SMARCC2: variants seen among roughly 807,000 people sequenced by gnomAD.
The protein encoded by SMARCC2 is SWI/SNF related BAF chromatin remodeling complex subunit C2.
Under a neutral mutation model 151.3 loss-of-function variants are expected in SMARCC2, and 15 were observed. The ratio of observed to expected loss-of-function variants is 0.10; its 90% CI spans 0.07 to 0.15. The LOEUF (loss-of-function observed/expected upper bound fraction) is 0.15. Among genes scored for constraint, SMARCC2 ranks in the 10% least tolerant of loss-of-function variants. SMARCC2 has a pLI of 1.00. For synonymous variants in SMARCC2, 590 were observed against 609.5 expected, an observed-to-expected ratio of 0.97 and a Z score of 0.47; for missense variants, 1,031 against 1,599.7, an observed-to-expected ratio of 0.64 and a Z score of 6.06.
At chr12:56,165,864 CGTGCAAAT>C (rs1872688610) in intron 26 of SMARCC2, among the ~76,000 whole-genome samples, 165 bp from the exon 27 acceptor site, 1 of 152,214 alleles carries the variant, frequency 6.6e-6, no homozygotes, top group African/African-American at 2.4e-5. Context: ...CACCCGACTT[CGTGCAAAT>C]TCCCATGACC....
intron 20 of SMARCC2, 176 bp downstream of exon 20, chr12:56,172,252 T>C (rs1401089746): frequency 3.4e-6 from 2 of 582,042 alleles, no homozygotes; most frequent in Non-Finnish European, 5.8e-6. Context: ...GGCTAATTTT[T>C]AAAATTTTTC....
In SMARCC2 at chr12:56,169,879, C is replaced by G; in HGVS notation, c.2445G>C (p.Glu815Asp). 1 of 1,614,060 alleles carries G rather than the reference C, an allele frequency of 6.2e-7. No individual in the cohort carries two copies. Among genetic ancestry groups the G allele is most frequent in the South Asian group, 1.1e-5 (1 of 91,074 alleles). The part of the protein sequence containing the change: ...EPREGGGAIE[E>D]EAKEKTSEAP... ...CCTCGCTGGTTTTCTCTTTTGCTTC[C>G]TCCTCTATAGCACCCCCTCCTTCTC... The change falls in exon 24 of 29, where the codon GAG (glutamate) becomes GAC (aspartate). Residue 815 changes from glutamate (E) to aspartate (D), a missense_variant. Physicochemically the swap from Glu to Asp is conservative, Grantham distance 45 (BLOSUM62 2). Coordinates refer to ENST00000550164, the MANE Select transcript of SMARCC2 (RefSeq NM_001330288.2).
In SMARCC2 at chr12:56,172,811, C is replaced by G. The variant is rs540063946; in HGVS notation, c.1744-107G>C. The G allele has an allele frequency of 1.9e-5, 29 of 1,560,078 alleles. No homozygotes were observed. The South Asian group carries it at 3.1e-4, about 17-fold the overall frequency. ...GGAGCTTCTTTCCCAAAGCCAGGGA[C>G]ACCCCTGGGTGGGACTTCCTCCCTT... is the stretch of plus-strand genomic sequence containing the variant. On this transcript the variant is annotated intron_variant, in intron 18 of 28. Transcript: ENST00000550164.
In SMARCC2 at chr12:56,171,831, G is replaced by C; in HGVS notation, c.2033C>G (p.Pro678Arg). 1 of 1,614,088 alleles carries C rather than the reference G, an allele frequency of 6.2e-7. No individual in the cohort carries two copies. The highest frequency in any genetic ancestry group is 8.5e-7 in the Non-Finnish European group (1 of 1,179,928). Reference protein sequence around the residue: ...LHFLRLPIEDPYLEDSEASLG... With the variant: ...LHFLRLPIEDRYLEDSEASLG... ...GGAGGCCTCTGAGTCCTCCAGGTATGGGTCTTCAATGGGAAGACGAAGAAA... is the reference window on the plus strand; with the variant it reads ...GGAGGCCTCTGAGTCCTCCAGGTATCGGTCTTCAATGGGAAGACGAAGAAA... Residue 678 changes from proline to arginine, a missense_variant, in exon 21 of 29, where the codon CCA becomes CGA. This residue lies in a region of SMARCC2 where 51 missense variants were observed against 137.9 expected (regional missense o/e 0.37). Coordinates refer to ENST00000550164, the MANE Select transcript of SMARCC2 (RefSeq NM_001330288.2). The surrounding 1 kb of genome is among the most constrained non-coding windows in gnomAD (Gnocchi z 4.2).
At chr12:56,172,747 C>T (rs763162517) in intron 18 of SMARCC2, 43 bp from the exon 19 acceptor site, 39 of 1,610,778 alleles carry the variant, frequency 2.4e-5, no homozygotes, top group African/African-American at 9.4e-5. Flanking sequence ...AAGTGACCAC[C>T]GGGAGCCAGG....
Position 56,181,005 on chromosome 12 carries a change from A to G in SMARCC2, c.1053T>C (p.Asn351=). 1 of 1,613,648 alleles carries G rather than the reference A, an allele frequency of 6.2e-7. No homozygotes were observed. Among genetic ancestry groups the G allele is most frequent in the Non-Finnish European group, 8.5e-7 (1 of 1,179,770 alleles). The part of the protein sequence containing the change: ...KDMDEPSPVP[N]VEEVTLPKTV... ...TTTTGGGAAGTGTCACCTCTTCTACATTGGGGACTGGTGAGGGCTCGTCCA... is the reference window on the plus strand; with the variant it reads ...TTTTGGGAAGTGTCACCTCTTCTACGTTGGGGACTGGTGAGGGCTCGTCCA... The change falls in exon 11 of 29, where the codon AAT becomes AAC. Residue 351 remains asparagine, a synonymous_variant. Coordinates refer to ENST00000550164, the MANE Select transcript of SMARCC2 (RefSeq NM_001330288.2).
chr12:56,180,886 G>T, intron 11 of SMARCC2, 91 bp downstream of exon 11: 2 of 1,322,780 alleles, frequency 1.5e-6, no homozygotes, highest in Non-Finnish European at 2.1e-6. Context: ...ACTGGGAGGT[G>T]GACCTGAGAA....
At chr12:56,186,393 C>A (rs1877260530) in intron 2 of SMARCC2, among the ~76,000 whole-genome samples, 153 bp from the exon 3 acceptor site, 1 of 150,364 alleles carries the variant, frequency 6.7e-6, no homozygotes, top group Non-Finnish European at 1.5e-5. Context: ...TCTTGTTGCC[C>A]AGGCTGGAGT....
chr12:56,165,246 C>T (rs1474872295), intron 27 of SMARCC2, 72 bp downstream of exon 27: 2 of 1,424,130 alleles, frequency 1.4e-6, no homozygotes, highest in African/African-American at 2.9e-5. Context: ...CATCTTGTAT[C>T]CCCTTTGAGG....
At chr12:56,173,556 T>TC in intron 17 of SMARCC2, 140 bp downstream of exon 17, 1 of 735,460 alleles carries the variant, frequency 1.4e-6, no homozygotes. Flanking sequence ...TGGGGCTGAT[T>TC]CCCGTGACCC....
At chr12:56,163,850 G>C in intron 28 of SMARCC2, 85 bp from the exon 29 acceptor site, 1 of 867,504 alleles carries the variant, frequency 1.2e-6, no homozygotes, top group Non-Finnish European at 1.7e-6. Context: ...ACAGAACCGG[G>C]CATGGCATGC....
At chr12:56,186,118 A>C (rs1565924286) in intron 3 of SMARCC2, 37 bp downstream of exon 3, 1 of 1,388,262 alleles carries the variant, frequency 7.2e-7, no homozygotes, top group South Asian at 1.2e-5. Flanking sequence ...GATTTCCTCT[A>C]AACTAAATAT....
chr12:56,168,957 G>A (rs558397938), intron 25 of SMARCC2, among the ~76,000 whole-genome samples: 1 of 150,488 alleles, frequency 6.6e-6, no homozygotes, highest in Non-Finnish European at 1.5e-5. Flanking sequence ...TCCAGCCTGG[G>A]CAACAGAGTG....
At position 56,176,891 on chromosome 12, in the gene SMARCC2, G is replaced by A. The variant is rs1247737305; in HGVS notation, c.1382+1131C>T. The stretch of plus-strand genomic sequence containing the variant: ...GGCTGGAGTGCAATGGCGTAATCTC[G>A]GCTCACTGCAACCTCCGCCTCCCGG... On this transcript the variant is annotated intron_variant, in intron 15 of 28. Transcript: ENST00000550164. Among the ~76,000 whole-genome samples the A allele has an allele frequency of 2.6e-4, 40 of 151,566 alleles. 1 individual carries two copies. Among genetic ancestry groups the A allele is most frequent in the Admixed American group, 2.6e-4 (4 of 15,202 alleles).
intron 15 of SMARCC2, among the ~76,000 whole-genome samples, chr12:56,176,980 C>A (rs548104600): frequency 6.6e-6 from 1 of 152,302 alleles, no homozygotes; most frequent in Admixed American, 6.5e-5. Context: ...TGCCACCACG[C>A]CCAGCTAGTT....
At chr12:56,168,353 G>A (rs905946050) in intron 25 of SMARCC2, among the ~76,000 whole-genome samples, 159 bp from the exon 26 acceptor site, 2 of 151,960 alleles carry the variant, frequency 1.3e-5, no homozygotes, top group East Asian at 1.9e-4. Flanking sequence ...GATTATAGGC[G>A]TGAGCCACCG....
chr12:56,184,953 T>C lies in SMARCC2; in HGVS notation c.400-17A>G, dbSNP rs374918436. On this transcript the variant is annotated splice_polypyrimidine_tract_variant and intron_variant, in intron 4 of 28. Coordinates refer to ENST00000550164, the MANE Select transcript of SMARCC2 (RefSeq NM_001330288.2). ...GCAATTATTCTGTGGAGAGAAGAAA[T>C]AGAATGAGATTATAGGAAAGGGGTG... is the stretch of plus-strand genomic sequence containing the variant. 4.1e-5 allele frequency: 65 copies of C among 1,604,462 alleles called. No individual in the cohort carries two copies. The Middle Eastern group carries it at 6.6e-4, about 16-fold the overall frequency.
intron 18 of SMARCC2, 109 bp downstream of exon 18, chr12:56,172,828 T>C: frequency 6.4e-7 from 1 of 1,563,296 alleles, no homozygotes; most frequent in Non-Finnish European, 8.7e-7. Flanking sequence ...GGGTGGGACT[T>C]CCTCCCTTAC....
Position 56,173,142 on chromosome 12 carries a change from C to T in SMARCC2, c.1651-113G>A, listed in dbSNP as rs988221163. 90 of 794,212 alleles carry T rather than the reference C, an allele frequency of 1.1e-4. No homozygotes were observed. The Middle Eastern group carries it at 2.8e-3, about 24-fold the overall frequency. The allele number at this position is 794,212 out of a possible 1,614,324, so 49.2% of individuals were successfully genotyped here. A position where few individuals can be genotyped will look rare whatever the true frequency, so the allele number is the denominator to read the frequency against. ...CCCACAAGCTCTGGGGGCACTCATG[C>T]CACTGTTCCATGTTCCCTTCATGAT... On this transcript the variant is annotated intron_variant, in intron 17 of 28. Coordinates refer to ENST00000550164, the MANE Select transcript of SMARCC2 (RefSeq NM_001330288.2).
Sources: allele counts gnomAD v4.1 joint callset (sites outside exome capture counted in the v4.1 genomes callset), GRCh38; gene constraint gnomAD v4.1.1; regional missense constraint gnomAD v4.1.1; non-coding constraint Gnocchi (gnomAD v3.1); transcripts MANE v1.5; gene names NCBI Gene and HGNC (gene_info 2026-07-23, HGNC 2026-07-21).